TTF1: variants seen among roughly 807,000 people sequenced by gnomAD.
The protein encoded by TTF1 is transcription termination factor, RNA polymerase I.
Under a neutral mutation model 80.2 loss-of-function variants are expected in TTF1, and 64 were observed. The ratio of observed to expected loss-of-function variants is 0.80; its 90% CI spans 0.65 to 0.98. The LOEUF is 0.98. TTF1 is among the 50% of genes least tolerant of loss of function. The pLI is 0.00. For synonymous variants in TTF1, 372 were observed against 382.7 expected (o/e 0.97, Z 0.33); for missense variants, 1,023 against 1,086.2 (o/e 0.94, Z 0.82).
intron 1 of TTF1, among the ~76,000 whole-genome samples, chr9:132,403,100 C>T (rs1166716162): frequency 2.0e-5 from 3 of 152,164 alleles, no homozygotes; most frequent in African/African-American, 2.4e-5. Flanking sequence ...ACCTCATGAT[C>T]CGCCCACTCC....
chr9:132,378,527 G>A (rs1284010470), intron 10 of TTF1, among the ~76,000 whole-genome samples: 1 of 143,602 alleles, frequency 7.0e-6, no homozygotes, highest in African/African-American at 2.6e-5. Flanking sequence ...GGGTGTGAGT[G>A]CATGTGGTGT....
rs779908674 is a variant in TTF1 at position 132,386,612 on chromosome 9, T to A, written c.2322A>T (p.Glu774Asp). The A allele has an allele frequency of 6.2e-7, 1 of 1,612,270 alleles. No individual in the cohort carries two copies. The highest frequency in any genetic ancestry group is 1.1e-5 in the South Asian group (1 of 90,956). ...TTTCATTAGTATCTTCCACATTTAT[T>A]TCATACAACCTGTGAGAAAAAATAA... ...AKVSLIERLY[E>D]INVEDTNEID... is the part of the protein sequence containing the mutation. Residue 774 changes from glutamate to aspartate, a missense_variant, in exon 9 of 11, where the codon GAA becomes GAT. Physicochemically the swap from Glu to Asp is conservative, Grantham distance 45. Transcript: ENST00000334270.
At chr9:132,398,374 C>A (rs147864574) in intron 3 of TTF1, 48 bp from the exon 4 acceptor site, 1 of 1,115,474 alleles carries the variant, frequency 9.0e-7, no homozygotes, top group Non-Finnish European at 1.2e-6. Context: ...TTAATAATGA[C>A]AAAAGCAAAC....
chr9:132,391,969 G>A lies in TTF1; in HGVS notation c.1987+107C>T, dbSNP rs772594308. ...ACAGCTTAAGAAACAAAGCTCTTGC[G>A]GAAGACAGGTCTACGGTGATTTCCG... On this transcript the variant is annotated intron_variant, in intron 6 of 10. Coordinates refer to ENST00000334270, the MANE Select transcript of TTF1 (RefSeq NM_007344.4). 9.9e-6 allele frequency: 15 copies of A among 1,516,722 alleles called. No homozygotes were observed. In the East Asian group the frequency reaches 1.6e-4, roughly 16 times the overall value. 94.0% of individuals were successfully genotyped at this position (1,516,722 alleles called of 1,614,324 possible).
At chr9:132,405,236 G>T (rs1316155444) in intron 1 of TTF1, among the ~76,000 whole-genome samples, 3 of 149,710 alleles carry the variant, frequency 2.0e-5, no homozygotes, top group Admixed American at 6.7e-5. Flanking sequence ...ACAGAATCTC[G>T]TTCTGTCACC....
rs770528448 is a variant in TTF1 at position 132,402,000 on chromosome 9, C to CT, written c.821dup (p.Ser275ValfsTer2). ...ACTTTTTCTTCTTTTTTTTCTTAGA[C>CT]TTTTTTTTGTGAGTAGGTCCTAGTA... On this transcript the variant is annotated frameshift_variant, in exon 2 of 11. Transcript: ENST00000334270. LOFTEE classifies it high-confidence loss of function. The CT allele has an allele frequency of 4.3e-5, 70 of 1,613,256 alleles. No homozygotes were observed. Among genetic ancestry groups the CT allele is most frequent in the Non-Finnish European group, 5.6e-5 (66 of 1,179,884 alleles).
intron 1 of TTF1, among the ~76,000 whole-genome samples, chr9:132,406,159 C>T (rs1261596239): frequency 6.6e-6 from 1 of 152,198 alleles, no homozygotes; most frequent in Non-Finnish European, 1.5e-5. Flanking sequence ...ACACTTCCCG[C>T]TCTGCAGGTA....
Position 132,401,796 on chromosome 9 carries a change from C to T in TTF1, c.1026G>A (p.Gln342=). 1 of 1,614,076 alleles carries T rather than the reference C, an allele frequency of 6.2e-7. No individual in the cohort carries two copies. The highest frequency in any genetic ancestry group is 8.5e-7 in the Non-Finnish European group (1 of 1,180,004). The change falls in exon 2 of 11, where the codon CAG becomes CAA. Residue 342 remains glutamine (Q), a synonymous_variant. Transcript: ENST00000334270. ...SKKKKKKSNH[Q]EFEAVAMPES... ...CAGGCATGGCCACTGCCTCAAATTC[C>T]TGGTGATTGGACTTTTTCTTTTTTT...
At chr9:132,390,533 T>C in intron 7 of TTF1, 64 bp downstream of exon 7, 11 of 1,518,696 alleles carry the variant, frequency 7.2e-6, no homozygotes, top group Non-Finnish European at 1.0e-5. Flanking sequence ...ACACAGATAT[T>C]CTTGGTAACC....
At chr9:132,387,182 C>T (rs1272585075) in intron 8 of TTF1, among the ~76,000 whole-genome samples, 2 of 152,186 alleles carry the variant, frequency 1.3e-5, no homozygotes, top group Non-Finnish European at 2.9e-5. Flanking sequence ...TGGTCTCAAA[C>T]TCCTGGGCTC....
At chr9:132,378,834 G>A (rs946593507) in intron 10 of TTF1, among the ~76,000 whole-genome samples, 1 of 151,956 alleles carries the variant, frequency 6.6e-6, no homozygotes, top group African/African-American at 2.4e-5. Context: ...TTACAGAGTG[G>A]TCGCTAAGTG....
At chr9:132,387,526 C>T (rs1436062426) in intron 8 of TTF1, among the ~76,000 whole-genome samples, 8 of 152,050 alleles carry the variant, frequency 5.3e-5, no homozygotes, top group African/African-American at 1.2e-4. Context: ...GAGCCTTAGG[C>T]AGGGCTCACG....
chr9:132,392,280 G>C, intron 5 of TTF1, 74 bp from the exon 6 acceptor site: 9 of 1,557,554 alleles, frequency 5.8e-6, no homozygotes, highest in Non-Finnish European at 7.9e-6. Flanking sequence ...ATCCCAGTAC[G>C]CAGCAATCGT....
At chr9:132,380,562 T>A (rs1420573570) in intron 9 of TTF1, among the ~76,000 whole-genome samples, 4 of 152,196 alleles carry the variant, frequency 2.6e-5, no homozygotes, top group Admixed American at 6.5e-5. Flanking sequence ...CTTCCCATAA[T>A]GCTGTGCGCC....
intron 10 of TTF1, 102 bp downstream of exon 10, chr9:132,378,957 A>G: frequency 2.5e-6 from 2 of 796,726 alleles, no homozygotes; most frequent in South Asian, 2.0e-5. Flanking sequence ...CAGCTGATGA[A>G]GCTGAGGCTC....
chr9:132,402,781 A>T lies in TTF1; in HGVS notation c.41T>A (p.Val14Asp). Residue 14 changes from valine to aspartate, a missense_variant, in exon 2 of 11, where the codon GTT (valine) becomes GAT (aspartate). Val to Asp is a radical substitution (Grantham distance 152). Transcript: ENST00000334270. Reference sequence around the variant, plus strand: ...ACACTTTTTCTTTTTCTTGTCAGAAACTGGAGTGTGGATTTCAAATCTGCT... The same window carrying T: ...ACACTTTTTCTTTTTCTTGTCAGAATCTGGAGTGTGGATTTCAAATCTGCT... The part of the protein sequence containing the change: ...ESSRFEIHTP[V>D]SDKKKKKCSI... 6.3e-7 allele frequency: 1 copy of T among 1,596,332 alleles called. No homozygotes were observed. Among genetic ancestry groups the T allele is most frequent in the African/African-American group, 1.4e-5 (1 of 73,768 alleles).
rs1229177604 is a variant in TTF1 at position 132,396,673 on chromosome 9, TG to T, written c.1778-163del. Among the ~76,000 whole-genome samples the T allele has an allele frequency of 6.4e-3, 455 of 71,068 alleles. 3 individuals are homozygous for T. The highest frequency in any genetic ancestry group is 0.015 in the African/African-American group (413 of 26,846). The allele number at this position is 71,068 out of a possible 152,430, so 46.6% of individuals were successfully genotyped here. ...AGAAAGCTGTCTTGTTTTTTTTGTT[TG>T]TTTTTTTTTTTTTGAGAGAGTCTCA... On this transcript the variant is annotated intron_variant, in intron 4 of 10. Coordinates refer to ENST00000334270, the MANE Select transcript of TTF1 (RefSeq NM_007344.4).
At chr9:132,377,266 T>G in intron 10 of TTF1, among the ~76,000 whole-genome samples, 1 of 126,482 alleles carries the variant, frequency 7.9e-6, no homozygotes, top group Non-Finnish European at 1.6e-5. Flanking sequence ...AGTGCATGCG[T>G]GTGGTGTGAG....
chr9:132,393,067 C>A (rs1589822502), intron 5 of TTF1, among the ~76,000 whole-genome samples: 1 of 152,190 alleles, frequency 6.6e-6, no homozygotes, highest in African/African-American at 2.4e-5. Context: ...TACTGGAAGA[C>A]ACAGCTCTAG....
Sources: gnomAD v4.1 joint callset for allele counts (sites outside exome capture counted in the v4.1 genomes callset) on GRCh38, gnomAD v4.1.1 for gene constraint, MANE v1.5 for transcripts, NCBI Gene and HGNC (gene_info 2026-07-23, HGNC 2026-07-21) for gene names.